The following BAIAP2L1 variants were observed in gnomAD, a reference collection of about 807,000 sequenced individuals.
The protein encoded by BAIAP2L1 is BAR/IMD domain-containing adapter protein 2-like 1.
BAIAP2L1 carries 35 observed loss-of-function variants against 66.3 expected under a neutral mutation model. The ratio of observed to expected loss-of-function variants is 0.53; its 90% CI spans 0.40 to 0.70. The LOEUF (loss-of-function observed/expected upper bound fraction) is 0.70, where lower values mean the gene tolerates loss of function less well. Among genes scored for constraint, BAIAP2L1 ranks in the 30% least tolerant of loss-of-function variants. The probability of loss-of-function intolerance (pLI) is 0.00; values close to 1 mark genes in which losing one functional copy is unlikely to be tolerated. For synonymous variants in BAIAP2L1, 269 were observed against 248.7 expected (o/e 1.08, Z -0.77); for missense variants, 622 against 656.9 (o/e 0.95, Z 0.58).
intron 1 of BAIAP2L1, among the ~76,000 whole-genome samples, chr7:98,373,790 T>C (rs1802562868): frequency 1.3e-5 from 2 of 152,226 alleles, no homozygotes; most frequent in Non-Finnish European, 2.9e-5. Flanking sequence ...CACTCCTATT[T>C]ACACAGGTAT....
intron 1 of BAIAP2L1, among the ~76,000 whole-genome samples, chr7:98,377,047 T>C (rs1401452546): frequency 6.6e-6 from 1 of 152,176 alleles, no homozygotes; most frequent in Non-Finnish European, 1.5e-5. Context: ...GAAGAAGATA[T>C]TCTGCTTAAG....
intron 3 of BAIAP2L1, among the ~76,000 whole-genome samples, chr7:98,320,514 TTAG>T (rs1367478864): frequency 1.3e-5 from 2 of 152,158 alleles, no homozygotes; most frequent in Non-Finnish European, 2.9e-5. Flanking sequence ...TTTTGCATTT[TTAG>T]TAGAGACAGG....
At chr7:98,348,726 A>G (rs1032054772) in intron 3 of BAIAP2L1, among the ~76,000 whole-genome samples, 1 of 152,222 alleles carries the variant, frequency 6.6e-6, no homozygotes. Context: ...GCATCCTTCT[A>G]GTCTTTGATA....
chr7:98,297,792 C>A (rs1011882434), intron 12 of BAIAP2L1, among the ~76,000 whole-genome samples: 1 of 152,200 alleles, frequency 6.6e-6, no homozygotes, highest in African/African-American at 2.4e-5. Flanking sequence ...GGGGCACTGG[C>A]GGCTCTCAGG....
chr7:98,321,094 A>G (rs1302393292), intron 3 of BAIAP2L1, among the ~76,000 whole-genome samples: 1 of 151,962 alleles, frequency 6.6e-6, no homozygotes, highest in Non-Finnish European at 1.5e-5. Flanking sequence ...CCTGACCTCA[A>G]GTGATCCGCA....
At chr7:98,350,023 A>G (rs1270620550) in intron 3 of BAIAP2L1, among the ~76,000 whole-genome samples, 1 of 151,944 alleles carries the variant, frequency 6.6e-6, no homozygotes, top group Non-Finnish European at 1.5e-5. Flanking sequence ...AGGCTGAGGT[A>G]GGAGGATGGC....
chr7:98,322,775 G>A (rs866523272), intron 3 of BAIAP2L1: 1 of 152,300 alleles, frequency 6.6e-6, no homozygotes, highest in Admixed American at 6.5e-5. Flanking sequence ...CTCCCAGCTT[G>A]TTCTTTCCCA....
intron 1 of BAIAP2L1, among the ~76,000 whole-genome samples, chr7:98,378,830 G>A (rs1179340657): frequency 6.6e-6 from 1 of 151,358 alleles, no homozygotes; most frequent in Non-Finnish European, 1.5e-5. Context: ...AAGGCAGAAG[G>A]CTCACTCTTT....
intron 1 of BAIAP2L1, among the ~76,000 whole-genome samples, chr7:98,384,762 G>A (rs571718812): frequency 1.4e-5 from 2 of 140,344 alleles, no homozygotes; most frequent in Non-Finnish European, 1.5e-5. Context: ...TAGGTGGCAC[G>A]ATCTCGGCTC....
At chr7:98,322,622 G>C (rs1468606592) in intron 3 of BAIAP2L1, among the ~76,000 whole-genome samples, 1 of 152,144 alleles carries the variant, frequency 6.6e-6, no homozygotes, top group Non-Finnish European at 1.5e-5. Context: ...ATGTTCACCA[G>C]GTGATCTGTT....
At chr7:98,298,206 G>A (rs1178855233) in intron 12 of BAIAP2L1, among the ~76,000 whole-genome samples, 2 of 152,222 alleles carry the variant, frequency 1.3e-5, no homozygotes, top group African/African-American at 4.8e-5. Context: ...ACAGCTGTGG[G>A]GCTTCCCAGG....
At chr7:98,311,312 G>A (rs531707112) in intron 8 of BAIAP2L1, among the ~76,000 whole-genome samples, 98 of 152,150 alleles carry the variant, frequency 6.4e-4, no homozygotes, top group Admixed American at 1.5e-3. Flanking sequence ...GGGAGGCCGA[G>A]GTGGGCGGAT....
chr7:98,372,016 G>C (rs1459377895), intron 1 of BAIAP2L1, among the ~76,000 whole-genome samples: 1 of 151,922 alleles, frequency 6.6e-6, no homozygotes, highest in Non-Finnish European at 1.5e-5. Context: ...GGATGGTCTC[G>C]ATCTCCTGAT....
At chr7:98,331,213 T>C (rs909229300) in intron 3 of BAIAP2L1, among the ~76,000 whole-genome samples, 1 of 151,490 alleles carries the variant, frequency 6.6e-6, no homozygotes, top group Non-Finnish European at 1.5e-5. Context: ...GAACAAAAAA[T>C]GAAACAGAAT....
Position 98,320,276 on chromosome 7 carries a change from T to C in BAIAP2L1, c.237A>G (p.Ser79=), listed in dbSNP as rs1390518787. ...TELGHVLIEI[S]STHKKLNESL... ...TCTCGTTGAGTTTCTTGTGGGTACT[T>C]GAAATCTCTATGAGGACATGTCCTG... is the stretch of plus-strand genomic sequence containing the variant. Residue 79 remains serine, a synonymous_variant, in exon 4 of 14, where the codon TCA becomes TCG. Coordinates refer to ENST00000005260, the MANE Select transcript of BAIAP2L1 (RefSeq NM_018842.5). The C allele has an allele frequency of 1.2e-6, 2 of 1,608,872 alleles. No homozygotes were observed.
chr7:98,355,174 AG>A (rs1487247766), intron 2 of BAIAP2L1, 46 bp from the exon 3 acceptor site: 2 of 1,365,104 alleles, frequency 1.5e-6, no homozygotes, highest in African/African-American at 1.4e-5. Context: ...AGACAAGGAA[AG>A]GAGGAAGCAA....
chr7:98,293,111 G>T lies in BAIAP2L1; in HGVS notation c.*410C>A. Reference sequence around the variant, plus strand: ...ACGTGATATCTTCTTTAGACATAATGCTATTAAGAGCACATGCTTTATAAA... The same window carrying T: ...ACGTGATATCTTCTTTAGACATAATTCTATTAAGAGCACATGCTTTATAAA... On this transcript the variant is annotated 3_prime_UTR_variant, in exon 14 of 14. Transcript: ENST00000005260. 2.4e-6 allele frequency: 1 copy of T among 414,928 alleles called. No individual in the cohort carries two copies. Among genetic ancestry groups the T allele is most frequent in the Non-Finnish European group, 3.4e-6 (1 of 291,468 alleles). The allele number at this position is 414,928 out of a possible 1,614,324, so 25.7% of individuals were successfully genotyped here.
At chr7:98,349,179 T>C (rs933277471) in intron 3 of BAIAP2L1, among the ~76,000 whole-genome samples, 1 of 152,130 alleles carries the variant, frequency 6.6e-6, no homozygotes, top group African/African-American at 2.4e-5. Flanking sequence ...AGGTGACAGC[T>C]ACGTTTACCC....
intron 3 of BAIAP2L1, among the ~76,000 whole-genome samples, chr7:98,349,548 C>T (rs1801953552): frequency 6.6e-6 from 1 of 152,146 alleles, no homozygotes; most frequent in Non-Finnish European, 1.5e-5. Flanking sequence ...CATTCAGACA[C>T]TAACGATAAC....
Sources: allele counts gnomAD v4.1 joint callset (sites outside exome capture counted in the v4.1 genomes callset), GRCh38; gene constraint gnomAD v4.1.1; transcripts MANE v1.5; gene names NCBI Gene and HGNC (gene_info 2026-07-23, HGNC 2026-07-21).